The following ZNF620 variants were observed in gnomAD, a reference collection of about 807,000 sequenced individuals.
The protein encoded by ZNF620 is zinc finger protein 620.
Under a neutral mutation model 13.3 loss-of-function variants are expected in ZNF620, and 10 were observed. The ratio of observed to expected loss-of-function variants is 0.75; its 90% CI spans 0.46 to 1.28. The LOEUF is 1.28. ZNF620 is among the 50% of genes most tolerant of loss of function. ZNF620 has a pLI of 0.00. For synonymous variants in ZNF620, 166 were observed against 177.6 expected (o/e 0.93, Z 0.52); for missense variants, 461 against 500.2 (o/e 0.92, Z 0.75).
In ZNF620 at chr3:40,511,469, G is replaced by C. The variant is rs1409647665; in HGVS notation, c.25-1G>C. 1 of 1,612,882 alleles carries C rather than the reference G, an allele frequency of 6.2e-7. No individual in the cohort carries two copies. The highest frequency in any genetic ancestry group is 1.7e-5 in the Admixed American group (1 of 59,948). On this transcript the variant is annotated splice_acceptor_variant, in intron 2 of 4. Coordinates refer to ENST00000314529, the MANE Select transcript of ZNF620 (RefSeq NM_175888.4). LOFTEE classifies it high-confidence loss of function. ...GTTTGAGCAGGAACTTGTTGTTTTA[G>C]GAACCAGTGACCTTTGAGGATGTGG...
At position 40,506,331 on chromosome 3, in the gene ZNF620, G is replaced by A. The variant is rs1411109977; in HGVS notation, c.-22G>A. The A allele has an allele frequency of 6.2e-7, 1 of 1,614,106 alleles. No individual in the cohort carries two copies. The highest frequency in any genetic ancestry group is 1.7e-5 in the Admixed American group (1 of 60,024). Reference sequence around the variant, plus strand: ...TCACTTCTCCGAACCCTGAGGCAGTGTGTGAAGCTGGGACGCCAGCCATGT... The same window carrying A: ...TCACTTCTCCGAACCCTGAGGCAGTATGTGAAGCTGGGACGCCAGCCATGT... On this transcript the variant is annotated 5_prime_UTR_variant, in exon 2 of 5. It adds an upstream start codon to the 5' untranslated region. Coordinates refer to ENST00000314529, the MANE Select transcript of ZNF620 (RefSeq NM_175888.4).
chr3:40,516,183 G>C lies in ZNF620; in HGVS notation c.589G>C (p.Glu197Gln). The C allele has an allele frequency of 1.9e-6, 3 of 1,614,092 alleles. No individual in the cohort carries two copies. The highest frequency in any genetic ancestry group is 1.7e-6 in the Non-Finnish European group (2 of 1,180,038). The change falls in exon 5 of 5, where the codon GAA (glutamate) becomes CAA (glutamine). Residue 197 changes from glutamate (E) to glutamine (Q), a missense_variant. Physicochemically the swap from Glu to Gln is conservative, Grantham distance 29. Coordinates refer to ENST00000314529, the MANE Select transcript of ZNF620 (RefSeq NM_175888.4). ...AAATCCTAGTGGTCAGATATCTTAT[G>C]AATGTGGACAATGTGGCAGATATTT... ...QTNPSGQISYECGQCGRYFIQ... is the reference protein window; with the variant it reads ...QTNPSGQISYQCGQCGRYFIQ...
chr3:40,513,218 A>G (rs1698253187), intron 4 of ZNF620, among the ~76,000 whole-genome samples: 1 of 149,902 alleles, frequency 6.7e-6, no homozygotes, highest in South Asian at 2.1e-4. Context: ...TAATCTCAGC[A>G]TTTTGGGAGG....
At chr3:40,513,189 G>A (rs1282087835) in intron 4 of ZNF620, among the ~76,000 whole-genome samples, 1 of 151,258 alleles carries the variant, frequency 6.6e-6, no homozygotes, top group Non-Finnish European at 1.5e-5. Flanking sequence ...AATAGGCTGG[G>A]CATGGTGGCT....
chr3:40,514,561 C>T (rs1698313485), intron 4 of ZNF620, among the ~76,000 whole-genome samples: 1 of 152,142 alleles, frequency 6.6e-6, no homozygotes, highest in Non-Finnish European at 1.5e-5. Flanking sequence ...GGGCTGGACC[C>T]TACACCAGCC....
chr3:40,516,836 C>T lies in ZNF620; in HGVS notation c.1242C>T (p.His414=), dbSNP rs868270937. The T allele has an allele frequency of 6.2e-7, 1 of 1,611,144 alleles. No homozygotes were observed. Among genetic ancestry groups the T allele is most frequent in the Middle Eastern group, 1.7e-4 (1 of 6,048 alleles). The change falls in exon 5 of 5, where the codon CAC becomes CAT. Residue 414 remains histidine (H), a synonymous_variant. Coordinates refer to ENST00000314529, the MANE Select transcript of ZNF620 (RefSeq NM_175888.4). ...GATTCATTCTGCATCAGAAACTACA[C>T]ACTCAGAAGACACCTGTCCAAGCAT... The part of the protein sequence containing the change: ...CGRFILHQKL[H]TQKTPVQA
chr3:40,513,499 C>T (rs1015857552), intron 4 of ZNF620, among the ~76,000 whole-genome samples: 3 of 150,538 alleles, frequency 2.0e-5, no homozygotes, highest in South Asian at 2.1e-4. Context: ...TTAGCATGGA[C>T]GTGGTAGCAC....
intron 2 of ZNF620, among the ~76,000 whole-genome samples, chr3:40,510,160 G>C (rs970147157): frequency 1.3e-5 from 2 of 151,786 alleles, no homozygotes; most frequent in Non-Finnish European, 2.9e-5. Flanking sequence ...GTAGCTGGGA[G>C]CACCACCTTG....
chr3:40,507,871 C>A (rs1023997903), intron 2 of ZNF620, among the ~76,000 whole-genome samples: 7 of 152,168 alleles, frequency 4.6e-5, no homozygotes, highest in Non-Finnish European at 1.0e-4. Context: ...TCAAGCAATC[C>A]TCCCCGCTCA....
intron 3 of ZNF620, 114 bp downstream of exon 3, chr3:40,511,710 C>T: frequency 7.3e-7 from 1 of 1,368,674 alleles, no homozygotes; most frequent in Non-Finnish European, 9.7e-7. Context: ...AGACAAGAGT[C>T]TCCCTCTGTC....
intron 4 of ZNF620, among the ~76,000 whole-genome samples, chr3:40,514,019 C>G (rs1044073812): frequency 4.6e-5 from 7 of 152,046 alleles, no homozygotes; most frequent in Non-Finnish European, 7.4e-5. Context: ...GGGAAGGCAC[C>G]CGTTACTTAG....
At position 40,512,406 on chromosome 3, in the gene ZNF620, C is replaced by T; in HGVS notation, c.156C>T (p.Phe52=). 1.1e-5 allele frequency: 17 copies of T among 1,614,100 alleles called. No homozygotes were observed. The highest frequency in any genetic ancestry group is 1.4e-5 in the Non-Finnish European group (17 of 1,179,946). Residue 52 remains phenylalanine (F), a synonymous_variant, in exon 4 of 5, where the codon TTC becomes TTT. Coordinates refer to ENST00000314529, the MANE Select transcript of ZNF620 (RefSeq NM_175888.4). ...ENYANVASLA[F]PFTTPVLVSQ... is the part of the protein sequence containing the mutation. ...TGTTTCTTTCTCCCTGGGCAGCATTCCCATTCACCACGCCTGTTCTGGTCT... is the reference window on the plus strand; with the variant it reads ...TGTTTCTTTCTCCCTGGGCAGCATTTCCATTCACCACGCCTGTTCTGGTCT...
chr3:40,508,744 C>T, intron 2 of ZNF620: 1 of 456,362 alleles, frequency 2.2e-6, no homozygotes, highest in South Asian at 1.5e-5. Flanking sequence ...AGTGATCCTC[C>T]CAAGGAGTTG....
At position 40,516,031 on chromosome 3, in the gene ZNF620, C is replaced by T. The variant is rs1334792808; in HGVS notation, c.437C>T (p.Ser146Leu). 3.7e-6 allele frequency: 6 copies of T among 1,614,018 alleles called. No individual in the cohort carries two copies. The highest frequency in any genetic ancestry group is 4.2e-6 in the Non-Finnish European group (5 of 1,180,010). Residue 146 changes from serine (S) to leucine (L), a missense_variant, in exon 5 of 5, where the codon TCA becomes TTA. Ser to Leu is a moderately radical substitution (Grantham distance 145). Coordinates refer to ENST00000314529, the MANE Select transcript of ZNF620 (RefSeq NM_175888.4). ...GGTCATTGGATAATTAAGACAAAGT[C>T]AAAGAGGAGACATTTCACAGATACC... ...PQGHWIIKTK[S>L]KRRHFTDTSA...
intron 2 of ZNF620, among the ~76,000 whole-genome samples, chr3:40,507,821 C>T (rs757091207): frequency 6.6e-5 from 10 of 151,926 alleles, no homozygotes; most frequent in Middle Eastern, 3.2e-3. Flanking sequence ...TTTTTGACAA[C>T]GGTTTTCTCT....
chr3:40,510,029 A>AT lies in ZNF620; in HGVS notation c.25-1428dup, dbSNP rs368849943. The stretch of plus-strand genomic sequence containing the variant: ...TAAGAACTGGAAGTTTTCCCTTAGC[A>AT]TTTTTTTTTTTTTGAGACAGTCCCA... On this transcript the variant is annotated intron_variant, in intron 2 of 4. Transcript: ENST00000314529. Among the ~76,000 whole-genome samples the AT allele has an allele frequency of 6.2e-3, 894 of 143,698 alleles. 7 individuals carry two copies. Among genetic ancestry groups the AT allele is most frequent in the Middle Eastern group, 0.018 (5 of 278 alleles). The allele number at this position is 143,698 out of a possible 152,430, so 94.3% of individuals were successfully genotyped here. A position where few individuals can be genotyped will look rare whatever the true frequency, so the allele number is the denominator to read the frequency against.
intron 2 of ZNF620, 107 bp from the exon 3 acceptor site, chr3:40,511,363 G>A (rs1471067698): frequency 4.1e-6 from 6 of 1,465,200 alleles, no homozygotes; most frequent in Non-Finnish European, 5.5e-6. Flanking sequence ...GTGGAGTGCT[G>A]GATAACTGTC....
In ZNF620 at chr3:40,516,769, A is replaced by G. The variant is rs368462748; in HGVS notation, c.1175A>G (p.Tyr392Cys). 1.9e-6 allele frequency: 3 copies of G among 1,614,096 alleles called. No homozygotes were observed. Among genetic ancestry groups the G allele is most frequent in the Middle Eastern group, 1.6e-4 (1 of 6,084 alleles). ...CGAGTTCACACTGGCGAGAAACCTTATGAGTGTAAAGTGTGTGGTAAAACC... is the reference window on the plus strand; with the variant it reads ...CGAGTTCACACTGGCGAGAAACCTTGTGAGTGTAAAGTGTGTGGTAAAACC... ...HQRVHTGEKP[Y>C]ECKVCGKTFS... The change falls in exon 5 of 5, where the codon TAT becomes TGT. Residue 392 changes from tyrosine to cysteine, a missense_variant. Tyr to Cys is a radical substitution (Grantham distance 194). Coordinates refer to ENST00000314529, the MANE Select transcript of ZNF620 (RefSeq NM_175888.4).
intron 2 of ZNF620, among the ~76,000 whole-genome samples, chr3:40,510,913 C>T (rs775497991): frequency 1.3e-5 from 2 of 152,030 alleles, no homozygotes; most frequent in African/African-American, 2.4e-5. Flanking sequence ...CCACACTTGG[C>T]GAATTTTTGT....
Sources: gnomAD v4.1 joint callset for allele counts (sites outside exome capture counted in the v4.1 genomes callset) on GRCh38, gnomAD v4.1.1 for gene constraint, MANE v1.5 for transcripts, NCBI Gene and HGNC (gene_info 2026-07-23, HGNC 2026-07-21) for gene names.